Variants in TAMM41 observed in about 807,000 individuals in gnomAD.
TAMM41 encodes the protein phosphatidate cytidylyltransferase, mitochondrial.
Under a neutral mutation model 44.1 loss-of-function variants are expected in TAMM41, and 36 were observed. That is an observed-to-expected ratio of 0.82 (90% confidence interval 0.63 to 1.08). TAMM41 has a LOEUF of 1.08. Among genes scored for constraint, TAMM41 ranks in the 50% least tolerant of loss-of-function variants. The pLI, the probability that TAMM41 is intolerant of heterozygous loss-of-function variation, is 0.00. For missense variants in TAMM41, 417 were observed against 404.3 expected, an observed-to-expected ratio of 1.03 and a Z score of -0.27; for synonymous variants, 164 against 153.1, an observed-to-expected ratio of 1.07 and a Z score of -0.53.
At chr3:11,780,585 T>TA in the TAMM41 span, among the ~76,000 whole-genome samples, 1 of 152,174 alleles carries the variant, frequency 6.6e-6, no homozygotes, top group Non-Finnish European at 1.5e-5. Flanking sequence ...TAATAGGGAA[T>TA]AATAAGAGTC....
chr3:11,808,519 G>A (rs530538322), intron 6 of TAMM41: 17 of 985,576 alleles, frequency 1.7e-5, no homozygotes, highest in Non-Finnish European at 1.9e-5. Flanking sequence ...ACTGCAGTGC[G>A]ATGGTCTTTG....
In TAMM41 at chr3:11,808,801, T is replaced by C. The variant is rs140084230; in HGVS notation, c.874+716A>G. The C allele has an allele frequency of 7.8e-3, 1,429 of 182,636 alleles. 29 individuals are homozygous for C. Among genetic ancestry groups the C allele is most frequent in the African/African-American group, 0.033 (1,377 of 42,070 alleles). The allele number at this position is 182,636 out of a possible 1,614,324, so 11.3% of individuals were successfully genotyped here. A position where few individuals can be genotyped will look rare whatever the true frequency, so the allele number is the denominator to read the frequency against. On this transcript the variant is annotated intron_variant, in intron 6 of 7. Coordinates refer to ENST00000455809, the MANE Select transcript of TAMM41 (RefSeq NM_001284401.2). ...AGTGTAGTGGTGCGATCCTAGCTCATTGCAGCCTCCAACTGCTCAAGCGAT... is the reference window on the plus strand; with the variant it reads ...AGTGTAGTGGTGCGATCCTAGCTCACTGCAGCCTCCAACTGCTCAAGCGAT...
At chr3:11,750,580 G>A in the TAMM41 span, among the ~76,000 whole-genome samples, 1 of 152,140 alleles carries the variant, frequency 6.6e-6, no homozygotes, top group Non-Finnish European at 1.5e-5. Flanking sequence ...CAAACTCTGG[G>A]ATTACAGGTG....
the TAMM41 span, among the ~76,000 whole-genome samples, chr3:11,785,091 A>C: frequency 1.3e-5 from 2 of 152,146 alleles, no homozygotes; most frequent in Non-Finnish European, 2.9e-5. Context: ...CTCAGTCACC[A>C]CAGGGAGGTG....
chr3:11,809,353 A>C lies in TAMM41; in HGVS notation c.874+164T>G, dbSNP rs1300824219. ...CACCATCTTACTTCAAACAAATAAA[A>C]ATGCAGATTTAGAAAACCCTCAAAT... is the stretch of plus-strand genomic sequence containing the variant. On this transcript the variant is annotated intron_variant, in intron 6 of 7. Transcript: ENST00000455809. 4 of 716,286 alleles carry C rather than the reference A, an allele frequency of 5.6e-6. No individual in the cohort carries two copies. The South Asian group carries it at 7.6e-5, about 14-fold the overall frequency. 44.4% of individuals were successfully genotyped at this position (716,286 alleles called of 1,614,324 possible).
chr3:11,792,040 C>T (rs571324233), intron 7 of TAMM41, among the ~76,000 whole-genome samples: 1 of 152,156 alleles, frequency 6.6e-6, no homozygotes, highest in Non-Finnish European at 1.5e-5. Flanking sequence ...ATATAGCAAC[C>T]CCAGGGCACT....
At chr3:11,805,904 C>T (rs577434889) in intron 7 of TAMM41, among the ~76,000 whole-genome samples, 19 of 152,296 alleles carry the variant, frequency 1.2e-4, no homozygotes, top group South Asian at 4.1e-4. Context: ...ATCCCCACGT[C>T]GTGGGAGGGA....
At chr3:11,754,544 T>A in the TAMM41 span, among the ~76,000 whole-genome samples, 84,934 of 150,230 alleles carry the variant, frequency 0.57, 24,279 homozygotes, top group African/African-American at 0.65. Flanking sequence ...TTTAAAAAAA[T>A]TTTTTATAGA....
At chr3:11,763,866 C>G in the TAMM41 span, among the ~76,000 whole-genome samples, 13 of 152,360 alleles carry the variant, frequency 8.5e-5, no homozygotes, top group East Asian at 3.9e-4. Context: ...CTGCTATACA[C>G]TAATTTTCAA....
the TAMM41 span, among the ~76,000 whole-genome samples, chr3:11,739,126 C>T: frequency 6.6e-6 from 1 of 152,188 alleles, no homozygotes; most frequent in African/African-American, 2.4e-5. Context: ...TTCAAAAGGT[C>T]TCCTTCTCTT....
the TAMM41 span, among the ~76,000 whole-genome samples, chr3:11,739,222 G>A: frequency 2.0e-5 from 3 of 152,152 alleles, no homozygotes; most frequent in African/African-American, 7.2e-5. Context: ...TTACCAGGCT[G>A]TACTGTCACC....
the TAMM41 span, among the ~76,000 whole-genome samples, chr3:11,724,561 G>A: frequency 1.1e-4 from 17 of 151,932 alleles, no homozygotes; most frequent in Non-Finnish European, 2.2e-4. Flanking sequence ...GGTAGCAGGC[G>A]CCTGCCACCA....
the TAMM41 span, among the ~76,000 whole-genome samples, chr3:11,734,944 G>C: frequency 2.0e-5 from 3 of 151,658 alleles, no homozygotes; most frequent in East Asian, 5.8e-4. Context: ...AGCTATTCGG[G>C]GGGCTGAGGC....
chr3:11,753,591 A>C, the TAMM41 span, among the ~76,000 whole-genome samples: 32 of 151,848 alleles, frequency 2.1e-4, 1 homozygote, highest in East Asian at 5.6e-3. Context: ...AATAAAAAAA[A>C]GTGGGCGTGG....
chr3:11,757,289 G>A, the TAMM41 span, among the ~76,000 whole-genome samples: 11 of 152,322 alleles, frequency 7.2e-5, no homozygotes, highest in South Asian at 1.0e-3. Context: ...TCGCTGTTAT[G>A]TTGAAAGTTG....
chr3:11,729,665 TTC>T, the TAMM41 span, among the ~76,000 whole-genome samples: 1 of 148,694 alleles, frequency 6.7e-6, no homozygotes, highest in Non-Finnish European at 1.5e-5. Context: ...GTTCAAGCGA[TTC>T]TCCTGCCTCA....
intron 4 of TAMM41, among the ~76,000 whole-genome samples, chr3:11,819,433 A>G (rs2124995295): frequency 1.3e-5 from 2 of 152,368 alleles, no homozygotes; most frequent in Middle Eastern, 6.8e-3. Flanking sequence ...TACTACATAT[A>G]TAAAATTGCT....
chr3:11,764,835 C>T, the TAMM41 span, among the ~76,000 whole-genome samples: 1 of 152,094 alleles, frequency 6.6e-6, no homozygotes, highest in African/African-American at 2.4e-5. Context: ...AAATGTATAA[C>T]CAAATTTGAT....
At chr3:11,772,100 GCT>G in the TAMM41 span, among the ~76,000 whole-genome samples, 1 of 149,816 alleles carries the variant, frequency 6.7e-6, no homozygotes, top group Admixed American at 6.7e-5. Flanking sequence ...AGACAGAATC[GCT>G]CTCTGTTGCC....
Sources: gnomAD v4.1 joint callset for allele counts (sites outside exome capture counted in the v4.1 genomes callset) on GRCh38, gnomAD v4.1.1 for gene constraint, MANE v1.5 for transcripts, NCBI Gene and HGNC (gene_info 2026-07-23, HGNC 2026-07-21) for gene names.